Variants in COL12A1 observed in about 807,000 individuals in gnomAD.
The protein encoded by COL12A1 is collagen alpha-1(XII) chain.
A neutral mutation model predicts 349.7 loss-of-function variants in COL12A1; 114 were observed. The observed-to-expected ratio is 0.33, with a 90% CI of 0.28 to 0.38. COL12A1 has a LOEUF of 0.38. COL12A1 is among the 10% of genes least tolerant of loss of function. The pLI is 1.00. For synonymous variants in COL12A1, 1,369 were observed against 1,329.0 expected, an observed-to-expected ratio of 1.03 and a Z score of -0.66; for missense variants, 3,284 against 3,756.9, an observed-to-expected ratio of 0.87 and a Z score of 3.29.
intron 13 of COL12A1, among the ~76,000 whole-genome samples, chr6:75,174,115 A>G (rs1031409714): frequency 2.0e-5 from 3 of 152,200 alleles, no homozygotes; most frequent in Admixed American, 6.5e-5. Context: ...AAAATCCTAA[A>G]AAATATAAAG....
Position 75,102,066 on chromosome 6 carries a change from T to C in COL12A1, c.8416-14A>G, listed in dbSNP as rs202033555. The C allele has an allele frequency of 7.7e-5, 124 of 1,613,036 alleles. No individual in the cohort carries two copies. The East Asian group carries it at 2.7e-3, about 35-fold the overall frequency. ...CCCTTGGCGACCCTAGAGTGAGCAATGGGAAAACAGTTCTCAGGCGTTTCA... is the reference window on the plus strand; with the variant it reads ...CCCTTGGCGACCCTAGAGTGAGCAACGGGAAAACAGTTCTCAGGCGTTTCA... On this transcript the variant is annotated splice_polypyrimidine_tract_variant and intron_variant, in intron 56 of 65. Coordinates refer to ENST00000322507, the MANE Select transcript of COL12A1 (RefSeq NM_004370.6).
At chr6:75,117,590 T>C in intron 46 of COL12A1, 44 bp from the exon 47 acceptor site, 1 of 1,588,488 alleles carries the variant, frequency 6.3e-7, no homozygotes, top group Non-Finnish European at 8.6e-7. Context: ...TCTCTTTTTC[T>C]GTCCTTGTTG....
chr6:75,146,765 T>C (rs1265859032), intron 23 of COL12A1, among the ~76,000 whole-genome samples: 1 of 152,220 alleles, frequency 6.6e-6, no homozygotes, highest in Non-Finnish European at 1.5e-5. Context: ...AACACCCATA[T>C]TGCTTCCAAT....
At chr6:75,199,804 A>C (rs184750292) in intron 2 of COL12A1, among the ~76,000 whole-genome samples, 5 of 152,346 alleles carry the variant, frequency 3.3e-5, no homozygotes, top group African/African-American at 1.2e-4. Flanking sequence ...GGACAAGATA[A>C]CATAGTATGA....
At chr6:75,152,972 T>TA (rs535735901) in intron 17 of COL12A1, among the ~76,000 whole-genome samples, 1 of 152,136 alleles carries the variant, frequency 6.6e-6, no homozygotes, top group Non-Finnish European at 1.5e-5. Flanking sequence ...ATATGTAAAC[T>TA]AAAAAAAGGT....
chr6:75,085,374 T>A lies in COL12A1; in HGVS notation c.*1173A>T. 2.1e-6 allele frequency: 1 copy of A among 469,164 alleles called. No homozygotes were observed. The highest frequency in any genetic ancestry group is 4.4e-6 in the Non-Finnish European group (1 of 226,668). 29.1% of individuals were successfully genotyped at this position (469,164 alleles called of 1,614,324 possible). On this transcript the variant is annotated 3_prime_UTR_variant, in exon 66 of 66. Transcript: ENST00000322507. ...CTCGGGCACGTAAGGCTCTGTCCGATTCAACATTACAATTATGGCATGATT... is the reference window on the plus strand; with the variant it reads ...CTCGGGCACGTAAGGCTCTGTCCGAATCAACATTACAATTATGGCATGATT...
chr6:75,132,955 T>C (rs1010269686), intron 34 of COL12A1, among the ~76,000 whole-genome samples: 2 of 152,230 alleles, frequency 1.3e-5, no homozygotes, highest in Admixed American at 6.5e-5. Context: ...ATTCGCACTA[T>C]GAAAGCCAAT....
intron 10 of COL12A1, 108 bp from the exon 11 acceptor site, chr6:75,181,319 G>A (rs1448481249): frequency 1.8e-6 from 2 of 1,115,586 alleles, no homozygotes; most frequent in African/African-American, 3.1e-5. Context: ...TGGGAGAATG[G>A]TGCTCATTGA....
rs552834799 is a variant in COL12A1, at chr6:75,138,448, G to A, written c.5230C>T (p.Leu1744=). 78 of 1,613,214 alleles carry A rather than the reference G, an allele frequency of 4.8e-5. No homozygotes were observed. The highest frequency in any genetic ancestry group is 2.0e-4 in the East Asian group (9 of 44,850). Residue 1744 remains leucine (L), a splice_region_variant and synonymous_variant, in exon 29 of 66, where the codon CTG becomes TTG. Coordinates refer to ENST00000322507, the MANE Select transcript of COL12A1 (RefSeq NM_004370.6). ...SDDLIGSERT[L]PILTTQAPKS... is the part of the protein sequence containing the mutation. Reference sequence around the variant, plus strand: ...TCCTATTTGAAAGCTAAACACCTACGTGTGCGCTCACTGCCAATCAGGTCA... The same window carrying A: ...TCCTATTTGAAAGCTAAACACCTACATGTGCGCTCACTGCCAATCAGGTCA...
At chr6:75,088,166 G>C (rs1474800028) in intron 64 of COL12A1, among the ~76,000 whole-genome samples, 2 of 152,216 alleles carry the variant, frequency 1.3e-5, no homozygotes, top group Non-Finnish European at 2.9e-5. Flanking sequence ...TGGATCAATA[G>C]TTATAGTTAA....
intron 34 of COL12A1, among the ~76,000 whole-genome samples, chr6:75,133,035 T>C (rs545431210): frequency 3.9e-5 from 6 of 152,346 alleles, no homozygotes; most frequent in African/African-American, 1.4e-4. Flanking sequence ...GTGAAAGAGA[T>C]TAAGCAAAGT....
rs374978583 is a variant in COL12A1, at chr6:75,188,477, G to T, written c.882C>A (p.Asn294Lys). ...CAAAGTTGGCCACATTGAAAACATG[G>T]TTCAGTGAAGGTGTGGAGGCAATTT... Reference protein sequence around the residue: ...LKQIASTPSLNHVFNVANFDA... With the variant: ...LKQIASTPSLKHVFNVANFDA... Residue 294 changes from asparagine to lysine, a missense_variant, in exon 8 of 66, where the codon AAC becomes AAA. Around this residue, in one of 2 missense-constraint regions of COL12A1, gnomAD observed 2,601 missense variants for 2,824.8 expected, o/e 0.92. Coordinates refer to ENST00000322507, the MANE Select transcript of COL12A1 (RefSeq NM_004370.6). The T allele has an allele frequency of 6.2e-7, 1 of 1,613,394 alleles. No individual in the cohort carries two copies. The highest frequency in any genetic ancestry group is 1.3e-5 in the African/African-American group (1 of 74,876).
chr6:75,148,736 C>T (rs901614597), intron 21 of COL12A1, among the ~76,000 whole-genome samples: 1 of 152,066 alleles, frequency 6.6e-6, no homozygotes, highest in African/African-American at 2.4e-5. Flanking sequence ...ATTGTCTTTC[C>T]TTAAAACCTG....
chr6:75,183,187 T>C lies in COL12A1; in HGVS notation c.1754A>G (p.Glu585Gly). ...GVKDAVRSEL[E>G]AIASPPAETH... ...CTCTGCAGGAGGAGAGGCAATAGCT[T>C]CCAATTCTGAGCGAACGGCATCCTT... Residue 585 changes from glutamate to glycine, a missense_variant, in exon 10 of 66, where the codon GAA becomes GGA. By Grantham distance (98) the Glu-to-Gly change is moderately conservative. This residue lies in a region of COL12A1 where 2,601 missense variants were observed against 2,824.8 expected (regional missense o/e 0.92). Coordinates refer to ENST00000322507, the MANE Select transcript of COL12A1 (RefSeq NM_004370.6). 1 of 1,614,160 alleles carries C rather than the reference T, an allele frequency of 6.2e-7. No individual in the cohort carries two copies. The highest frequency in any genetic ancestry group is 8.5e-7 in the Non-Finnish European group (1 of 1,180,034).
Position 75,089,114 on chromosome 6 carries a change from C to T in COL12A1, c.9002G>A (p.Gly3001Asp). The change falls in exon 64 of 66, where the codon GGC becomes GAC. Residue 3001 changes from glycine (G) to aspartate (D), a missense_variant. Physicochemically the swap from Gly to Asp is moderately conservative, Grantham distance 94 (BLOSUM62 -1). Coordinates refer to ENST00000322507, the MANE Select transcript of COL12A1 (RefSeq NM_004370.6). ...TGSSGPRGLP[G>D]PPGPQGESRT... is the part of the protein sequence containing the mutation. ...AATACTAGCAAACCTACCTGGGGGG[C>T]CAGGCAGCCCCCGAGGTCCTGAAGA... 2 of 1,610,368 alleles carry T rather than the reference C, an allele frequency of 1.2e-6. No individual in the cohort carries two copies. The highest frequency in any genetic ancestry group is 2.2e-5 in the South Asian group (2 of 90,712).
chr6:75,108,599 T>C (rs762312480), intron 52 of COL12A1, among the ~76,000 whole-genome samples: 2 of 152,216 alleles, frequency 1.3e-5, no homozygotes, highest in Non-Finnish European at 2.9e-5. Flanking sequence ...TGAGCAAATG[T>C]GGGCTCTGGT....
chr6:75,138,216 T>C, intron 30 of COL12A1, 104 bp downstream of exon 30: 2 of 1,212,686 alleles, frequency 1.6e-6, no homozygotes, highest in Non-Finnish European at 2.3e-6. Context: ...CATCTTAGGA[T>C]TTAAAAGCAG....
chr6:75,092,539 C>A (rs949222492), intron 60 of COL12A1, among the ~76,000 whole-genome samples: 1 of 151,718 alleles, frequency 6.6e-6, no homozygotes, highest in Admixed American at 6.6e-5. Flanking sequence ...TATTTCCAGG[C>A]TGCCAACTGC....
intron 38 of COL12A1, 100 bp downstream of exon 38, chr6:75,128,196 T>C (rs545721194): frequency 1.9e-6 from 2 of 1,029,724 alleles, no homozygotes; most frequent in African/African-American, 1.6e-5. Context: ...TTGAGATGTA[T>C]TGGTAAAGAT....
Sources: allele counts gnomAD v4.1 joint callset (sites outside exome capture counted in the v4.1 genomes callset), GRCh38; gene constraint gnomAD v4.1.1; regional missense constraint gnomAD v4.1.1; transcripts MANE v1.5; gene names NCBI Gene and HGNC (gene_info 2026-07-23, HGNC 2026-07-21).